Variants in ENTREP2 observed in about 807,000 individuals in gnomAD.
ENTREP2 encodes protein ENTREP2.
At chr15:29,459,241 G>T in the ENTREP2 span, among the ~76,000 whole-genome samples, 1 of 152,220 alleles carries the variant, frequency 6.6e-6, no homozygotes, top group Non-Finnish European at 1.5e-5. Flanking sequence ...TGTTTCTTAA[G>T]AATGCAGTTT....
chr15:29,326,415 C>T, the ENTREP2 span, among the ~76,000 whole-genome samples: 1 of 152,068 alleles, frequency 6.6e-6, no homozygotes, highest in Non-Finnish European at 1.5e-5. Flanking sequence ...ATTGCTTTCC[C>T]ATATTCCAGC....
At chr15:29,303,451 GT>G in the ENTREP2 span, among the ~76,000 whole-genome samples, 6 of 151,496 alleles carry the variant, frequency 4.0e-5, no homozygotes, top group East Asian at 1.9e-4. Context: ...ATGACACTGG[GT>G]TTTTTTTCAG....
chr15:29,346,282 TGA>T, the ENTREP2 span, among the ~76,000 whole-genome samples: 1 of 152,192 alleles, frequency 6.6e-6, no homozygotes, highest in Non-Finnish European at 1.5e-5. Flanking sequence ...GGACATGCTC[TGA>T]GAGAGAGGGT....
At chr15:29,656,316 C>T in the ENTREP2 span, among the ~76,000 whole-genome samples, 3 of 151,914 alleles carry the variant, frequency 2.0e-5, no homozygotes, top group African/African-American at 4.8e-5. Flanking sequence ...ACCTCCACCT[C>T]GCAGCTTTAA....
chr15:29,207,143 T>C, the ENTREP2 span, among the ~76,000 whole-genome samples: 6 of 152,140 alleles, frequency 3.9e-5, no homozygotes, highest in East Asian at 1.9e-4. Context: ...CACCTTTTTG[T>C]TCCTGGAGAG....
chr15:29,428,188 G>T, the ENTREP2 span, among the ~76,000 whole-genome samples: 1 of 152,156 alleles, frequency 6.6e-6, no homozygotes, highest in Non-Finnish European at 1.5e-5. Flanking sequence ...ACCCTGTGGA[G>T]ACTCCGATAC....
At chr15:29,466,937 G>A in the ENTREP2 span, among the ~76,000 whole-genome samples, 1 of 131,282 alleles carries the variant, frequency 7.6e-6, no homozygotes, top group Admixed American at 7.4e-5. Flanking sequence ...GGAGGATGCT[G>A]CAGCCCCCAG....
At chr15:29,458,652 G>A in the ENTREP2 span, among the ~76,000 whole-genome samples, 1 of 152,120 alleles carries the variant, frequency 6.6e-6, no homozygotes, top group Non-Finnish European at 1.5e-5. Flanking sequence ...ATCCTCAGTC[G>A]ACCCAACTTC....
chr15:29,664,387 T>G, the ENTREP2 span, among the ~76,000 whole-genome samples: 2 of 152,100 alleles, frequency 1.3e-5, no homozygotes, highest in African/African-American at 4.8e-5. Context: ...TATTTGAGGC[T>G]GGTTTGCAAG....
At chr15:29,566,543 G>A in the ENTREP2 span, among the ~76,000 whole-genome samples, 5 of 151,856 alleles carry the variant, frequency 3.3e-5, no homozygotes, top group Admixed American at 6.6e-5. Flanking sequence ...TGCAACCTCC[G>A]CCTCCTGGGC....
the ENTREP2 span, among the ~76,000 whole-genome samples, chr15:29,368,337 A>AAATAT: frequency 6.2e-5 from 9 of 146,104 alleles, no homozygotes; most frequent in Non-Finnish European, 1.2e-4. Context: ...CAAAAAAAAA[A>AAATAT]ATATATATAT....
the ENTREP2 span, among the ~76,000 whole-genome samples, chr15:29,655,657 CA>C: frequency 6.6e-6 from 1 of 151,928 alleles, no homozygotes; most frequent in Non-Finnish European, 1.5e-5. Flanking sequence ...ATACATGAGC[CA>C]ATCATGAATT....
chr15:29,419,076 C>T, the ENTREP2 span, among the ~76,000 whole-genome samples: 3 of 152,266 alleles, frequency 2.0e-5, no homozygotes, highest in South Asian at 6.2e-4. Context: ...AAGGCAAGGA[C>T]AAACAACAGC....
chr15:29,652,014 T>G, the ENTREP2 span, among the ~76,000 whole-genome samples: 3 of 152,166 alleles, frequency 2.0e-5, no homozygotes, highest in African/African-American at 7.2e-5. Context: ...TGGTGCTTTT[T>G]CCTGGGCCCG....
the ENTREP2 span, among the ~76,000 whole-genome samples, chr15:29,649,436 C>A: frequency 6.6e-6 from 1 of 152,066 alleles, no homozygotes; most frequent in African/African-American, 2.4e-5. Context: ...AACAGAAACA[C>A]TGGGCCAGGC....
At chr15:29,545,415 G>C in the ENTREP2 span, among the ~76,000 whole-genome samples, 1 of 152,188 alleles carries the variant, frequency 6.6e-6, no homozygotes, top group Non-Finnish European at 1.5e-5. Flanking sequence ...ATGGCCAAAA[G>C]AGATAACAGA....
chr15:29,422,280 GAAAAAAGA>G, the ENTREP2 span, among the ~76,000 whole-genome samples: 2 of 150,842 alleles, frequency 1.3e-5, no homozygotes, highest in African/African-American at 2.5e-5. Context: ...CAAAAAAAAA[GAAAAAAGA>G]AAAAAAGAAA....
the ENTREP2 span, among the ~76,000 whole-genome samples, chr15:29,354,069 G>C: frequency 6.6e-6 from 1 of 152,192 alleles, no homozygotes; most frequent in African/African-American, 2.4e-5. Context: ...CTGGAGTAGA[G>C]AAGATCACCC....
the ENTREP2 span, among the ~76,000 whole-genome samples, chr15:29,208,293 G>GT: frequency 3.3e-5 from 5 of 152,042 alleles, no homozygotes; most frequent in South Asian, 1.0e-3. Context: ...AAGTAGATAG[G>GT]GCCAAAAATA....
Sources: gnomAD v4.1 joint callset for allele counts (sites outside exome capture counted in the v4.1 genomes callset) on GRCh38, gnomAD v4.1.1 for gene constraint, MANE v1.5 for transcripts, NCBI Gene and HGNC (gene_info 2026-07-23, HGNC 2026-07-21) for gene names.